The following MYCBP2 variants were observed in gnomAD, a reference collection of about 807,000 sequenced individuals.
MYCBP2 encodes E3 ubiquitin-protein ligase MYCBP2.
Under a neutral mutation model 525.3 loss-of-function variants are expected in MYCBP2, and 120 were observed. The ratio of observed to expected loss-of-function variants is 0.23; its 90% CI spans 0.20 to 0.27. The LOEUF (loss-of-function observed/expected upper bound fraction) is 0.27. Among genes scored for constraint, MYCBP2 ranks in the 10% least tolerant of loss-of-function variants. The probability of loss-of-function intolerance (pLI) is 1.00; values close to 1 mark genes in which losing one functional copy is unlikely to be tolerated. For synonymous variants in MYCBP2, 1,894 were observed against 1,955.8 expected (o/e 0.97, Z 0.83); for missense variants, 4,149 against 5,657.1 (o/e 0.73, Z 8.55).
chr13:77,168,654 A>G lies in MYCBP2; in HGVS notation c.5896-8T>C, dbSNP rs1249175945. 1.2e-6 allele frequency: 2 copies of G among 1,613,008 alleles called. No individual in the cohort carries two copies. Among genetic ancestry groups the G allele is most frequent in the Non-Finnish European group, 1.7e-6 (2 of 1,179,240 alleles). On this transcript the variant is annotated splice_polypyrimidine_tract_variant and splice_region_variant and intron_variant, in intron 39 of 82. Coordinates refer to ENST00000544440, the MANE Select transcript of MYCBP2 (RefSeq NM_015057.5). The stretch of plus-strand genomic sequence containing the variant: ...AAAGACTTCTACAGCCACCTAGTAC[A>G]CATATAAAAATATGGTTAAATGAGA...
At chr13:77,156,530 T>G (rs936430512) in intron 45 of MYCBP2, among the ~76,000 whole-genome samples, 57 of 152,214 alleles carry the variant, frequency 3.7e-4, no homozygotes, top group African/African-American at 1.4e-3. Flanking sequence ...TAATTTGAAG[T>G]CCTGAGCAGG....
At chr13:77,227,711 G>T (rs1345017104) in intron 18 of MYCBP2, among the ~76,000 whole-genome samples, 4 of 152,080 alleles carry the variant, frequency 2.6e-5, no homozygotes, top group African/African-American at 9.7e-5. Context: ...TAAATGTATT[G>T]ATGCCTAGTT....
chr13:77,157,627 G>A (rs2057371211), intron 45 of MYCBP2, among the ~76,000 whole-genome samples: 1 of 152,010 alleles, frequency 6.6e-6, no homozygotes, highest in Non-Finnish European at 1.5e-5. Flanking sequence ...TGGCATATCT[G>A]TAATCCCAGC....
Position 77,186,083 on chromosome 13 carries a change from AAC to A in MYCBP2, c.4252-22_4252-21del. 1 of 1,510,244 alleles carries A rather than the reference AAC, an allele frequency of 6.6e-7. No individual in the cohort carries two copies. The highest frequency in any genetic ancestry group is 1.4e-5 in the African/African-American group (1 of 71,652). The allele number at this position is 1,510,244 out of a possible 1,614,324, so 93.6% of individuals were successfully genotyped here. A position where few individuals can be genotyped will look rare whatever the true frequency, so the allele number is the denominator to read the frequency against. On this transcript the variant is annotated intron_variant, in intron 30 of 82. Coordinates refer to ENST00000544440, the MANE Select transcript of MYCBP2 (RefSeq NM_015057.5). Reference sequence around the variant, plus strand: ...ACATTCCTAATCCAGAATATGAAAAAACAGACAACAATTAATTCAAATGATAC... The same window carrying A: ...ACATTCCTAATCCAGAATATGAAAAAAGACAACAATTAATTCAAATGATAC...
intron 1 of MYCBP2, among the ~76,000 whole-genome samples, chr13:77,317,667 G>A (rs989376853): frequency 1.3e-4 from 20 of 152,122 alleles, no homozygotes; most frequent in Non-Finnish European, 2.2e-4. Flanking sequence ...GGCCGGGCGC[G>A]GTGGCTCACG....
intron 11 of MYCBP2, 65 bp from the exon 12 acceptor site, chr13:77,261,440 A>AG (rs1394992245): frequency 9.1e-7 from 1 of 1,094,232 alleles, no homozygotes; most frequent in East Asian, 2.6e-5. Flanking sequence ...GTTTCACATG[A>AG]GGAAAAAAAA....
rs770603262 is a variant in MYCBP2 at position 77,263,836 on chromosome 13, G to T, written c.1432-47C>A. The T allele has an allele frequency of 3.7e-6, 6 of 1,610,250 alleles. No homozygotes were observed. In the African/African-American group the frequency reaches 8.0e-5, roughly 22 times the overall value. On this transcript the variant is annotated intron_variant, in intron 9 of 82. Transcript: ENST00000544440. ...CAGCATTACATTACATAAAGAGGTCGTTCAAGGCTCTACAGTCTATCTAAT... is the reference window on the plus strand; with the variant it reads ...CAGCATTACATTACATAAAGAGGTCTTTCAAGGCTCTACAGTCTATCTAAT...
intron 3 of MYCBP2, among the ~76,000 whole-genome samples, chr13:77,282,099 G>C (rs934879349): frequency 7.9e-5 from 12 of 152,090 alleles, no homozygotes; most frequent in African/African-American, 2.2e-4. Flanking sequence ...GAGAGGAGGA[G>C]AAGGCTAAGA....
chr13:77,261,243 C>G lies in MYCBP2; in HGVS notation c.1780G>C (p.Ala594Pro). 1 of 1,613,632 alleles carries G rather than the reference C, an allele frequency of 6.2e-7. No homozygotes were observed. Among genetic ancestry groups the G allele is most frequent in the Non-Finnish European group, 8.5e-7 (1 of 1,179,724 alleles). The change falls in exon 12 of 83, where the codon GCC becomes CCC. Residue 594 changes from alanine to proline, a missense_variant. Around this residue, in one of 21 missense-constraint regions of MYCBP2, gnomAD observed 262 missense variants for 419.3 expected, o/e 0.62. Transcript: ENST00000544440. ...HFSVGHDGSH[A>P]LLVAEDGSIF... ...CTCCCATCTTCTGCAACTAAAAGGGCGTGAGAGCCATCGTGTCCAACTGAG... is the reference window on the plus strand; with the variant it reads ...CTCCCATCTTCTGCAACTAAAAGGGGGTGAGAGCCATCGTGTCCAACTGAG...
At chr13:77,112,408 A>G (rs1172718784) in intron 55 of MYCBP2, among the ~76,000 whole-genome samples, 4 of 147,212 alleles carry the variant, frequency 2.7e-5, no homozygotes, top group Admixed American at 2.1e-4. Context: ...TGTATTTTAT[A>G]TATTATATAT....
chr13:77,153,999 T>C (rs1244432370), intron 46 of MYCBP2, among the ~76,000 whole-genome samples: 2 of 152,226 alleles, frequency 1.3e-5, no homozygotes, highest in African/African-American at 2.4e-5. Context: ...TGAAAGCATT[T>C]TGGAACTCAT....
At chr13:77,234,719 T>C (rs1258477283) in intron 17 of MYCBP2, among the ~76,000 whole-genome samples, 2 of 151,986 alleles carry the variant, frequency 1.3e-5, no homozygotes, top group African/African-American at 2.4e-5. Flanking sequence ...TGAACAAATA[T>C]GAACAAAATG....
rs1555465829 is a variant in MYCBP2, at chr13:77,294,131, C to CATACATATATATATATATATATATACAT, written c.378+2467_378+2468insATGTATATATATATATATATATATGTAT. On this transcript the variant is annotated intron_variant, in intron 2 of 82. Transcript: ENST00000544440. ...ATATATATATATATATATATATATACATATATATATACATATATATAAAAT... is the reference window on the plus strand; with the variant it reads ...ATATATATATATATATATATATATACATACATATATATATATATATATATACATATATATATATACATATATATAAAAT... Among the ~76,000 whole-genome samples, 6 of 65,710 alleles carry CATACATATATATATATATATATATACAT rather than the reference C, an allele frequency of 9.1e-5. 1 individual carries two copies. Among genetic ancestry groups the CATACATATATATATATATATATATACAT allele is most frequent in the Admixed American group, 2.0e-4 (1 of 4,922 alleles). 43.1% of individuals were successfully genotyped at this position (65,710 alleles called of 152,430 possible).
chr13:77,270,273 G>A (rs758220927), intron 6 of MYCBP2, 23 bp downstream of exon 6: 5 of 1,586,828 alleles, frequency 3.2e-6, no homozygotes, highest in Non-Finnish European at 4.3e-6. Context: ...GTATAATTAA[G>A]GAACTGTAAG....
intron 31 of MYCBP2, 71 bp from the exon 32 acceptor site, chr13:77,185,448 T>G: frequency 6.9e-7 from 1 of 1,457,106 alleles, no homozygotes; most frequent in South Asian, 1.3e-5. Context: ...TCAATATAAT[T>G]CAGTAATTCC....
chr13:77,326,939 C>T lies in MYCBP2; in HGVS notation c.-164G>A, dbSNP rs2082393176. On this transcript the variant is annotated 5_prime_UTR_variant, in exon 1 of 83. Coordinates refer to ENST00000544440, the MANE Select transcript of MYCBP2 (RefSeq NM_015057.5). The surrounding 1 kb of genome is among the most constrained non-coding windows in gnomAD (Gnocchi z 4.2). ...CAGCGACCTCCTTCTCCTCCTCCTT[C>T]TTCTCCTCCTCCCCCCCGCGCCGCC... 1.8e-6 allele frequency: 1 copy of T among 566,392 alleles called. No homozygotes were observed. Among genetic ancestry groups the T allele is most frequent in the Non-Finnish European group, 2.7e-6 (1 of 367,450 alleles). The allele number at this position is 566,392 out of a possible 1,614,324, so 35.1% of individuals were successfully genotyped here.
chr13:77,274,173 C>A (rs2154347403), intron 4 of MYCBP2, among the ~76,000 whole-genome samples: 1 of 152,216 alleles, frequency 6.6e-6, no homozygotes, highest in South Asian at 2.1e-4. Context: ...CCTAGAAAAA[C>A]CTCCAAGTCA....
intron 17 of MYCBP2, among the ~76,000 whole-genome samples, chr13:77,238,407 T>G (rs555066833): frequency 1.3e-5 from 2 of 152,168 alleles, no homozygotes; most frequent in Non-Finnish European, 2.9e-5. Context: ...AGTTTAATTT[T>G]CCTTACGAAA....
At position 77,245,744 on chromosome 13, in the gene MYCBP2, A is replaced by AAC. The variant is rs71102727; in HGVS notation, c.2382-1795_2382-1794dup. Among the ~76,000 whole-genome samples, 952 of 143,156 alleles carry AAC rather than the reference A, an allele frequency of 6.7e-3. 7 individuals are homozygous for AAC. The highest frequency in any genetic ancestry group is 0.023 in the African/African-American group (863 of 37,994). The allele number at this position is 143,156 out of a possible 152,430, so 93.9% of individuals were successfully genotyped here. ...GCACATGTATCCCAGAACGTAAAGT[A>AAC]ACACACACACACACACACACACACA... On this transcript the variant is annotated intron_variant, in intron 15 of 82. Transcript: ENST00000544440.
Sources: gnomAD v4.1 joint callset for allele counts (sites outside exome capture counted in the v4.1 genomes callset) on GRCh38, gnomAD v4.1.1 for gene constraint, gnomAD v4.1.1 regional missense constraint, Gnocchi (gnomAD v3.1) non-coding constraint, MANE v1.5 for transcripts, NCBI Gene and HGNC (gene_info 2026-07-23, HGNC 2026-07-21) for gene names.